The following CPNE4 variants were observed in gnomAD, a reference collection of about 807,000 sequenced individuals.
CPNE4 encodes the protein copine-4.
A neutral mutation model predicts 67.9 loss-of-function variants in CPNE4; 25 were observed. The observed-to-expected ratio is 0.37, with a 90% CI of 0.27 to 0.51. CPNE4 has a LOEUF of 0.51. Ranked by LOEUF, CPNE4 falls within the 20% of genes least tolerant of loss-of-function variation. CPNE4 has a pLI of 0.93. For missense variants in CPNE4, 464 were observed against 690.8 expected, an observed-to-expected ratio of 0.67 and a Z score of 3.68; for synonymous variants, 242 against 244.9, an observed-to-expected ratio of 0.99 and a Z score of 0.11.
At chr3:131,802,724 C>A (rs2084176224) in intron 2 of CPNE4, among the ~76,000 whole-genome samples, 1 of 152,172 alleles carries the variant, frequency 6.6e-6, no homozygotes, top group African/African-American at 2.4e-5. Context: ...CGGAGGGAAA[C>A]CCTGGAATCT....
rs746630965 is a variant in CPNE4, at chr3:131,615,891, T to TCACACACA, written c.682-28317_682-28310dup. 3.4e-3 allele frequency among the ~76,000 whole-genome samples: 367 copies of TCACACACA among 107,798 alleles called. 1 individual carries two copies. Among genetic ancestry groups the TCACACACA allele is most frequent in the African/African-American group, 0.013 (291 of 21,832 alleles). 70.7% of individuals were successfully genotyped at this position (107,798 alleles called of 152,430 possible). Reference sequence around the variant, plus strand: ...AAGAGCAAAACCCCATCTCTCTCTCTCACACACACACACACACACACACAC... The same window carrying TCACACACA: ...AAGAGCAAAACCCCATCTCTCTCTCTCACACACACACACACACACACACACACACACAC... On this transcript the variant is annotated intron_variant, in intron 7 of 15. Transcript: ENST00000429747.
chr3:131,650,070 G>A (rs1210375586), intron 7 of CPNE4, among the ~76,000 whole-genome samples: 1 of 152,184 alleles, frequency 6.6e-6, no homozygotes, highest in Non-Finnish European at 1.5e-5. Flanking sequence ...GAGAGACAGA[G>A]TCTCTGTTGC....
In CPNE4 at chr3:131,550,076, A is replaced by G. The variant is rs1936087976; in HGVS notation, c.1173T>C (p.Ile391=). The change falls in exon 14 of 16, where the codon ATT becomes ATC. Residue 391 remains isoleucine (I), a synonymous_variant. Transcript: ENST00000429747. ...FNEDNPECAG[I]QGVVEAYQSC... Reference sequence around the variant, plus strand: ...TCTGATAGGCTTCCACAACTCCTTGAATTCCTGAGGTGAAATTGGCAAAGA... The same window carrying G: ...TCTGATAGGCTTCCACAACTCCTTGGATTCCTGAGGTGAAATTGGCAAAGA... 6.2e-7 allele frequency: 1 copy of G among 1,612,848 alleles called. No individual in the cohort carries two copies. The highest frequency in any genetic ancestry group is 1.7e-5 in the Admixed American group (1 of 59,908).
chr3:131,660,639 T>C (rs2080099865), intron 7 of CPNE4, among the ~76,000 whole-genome samples: 1 of 152,204 alleles, frequency 6.6e-6, no homozygotes, highest in Non-Finnish European at 1.5e-5. Context: ...TCATAAAGAC[T>C]TGATCCTTCC....
chr3:131,913,944 G>T (rs1006674002), intron 1 of CPNE4, among the ~76,000 whole-genome samples: 8 of 152,158 alleles, frequency 5.3e-5, no homozygotes, highest in African/African-American at 1.9e-4. Context: ...GCCATAATGA[G>T]CACTCAATAA....
At chr3:131,854,030 A>G (rs2086341442) in intron 2 of CPNE4, among the ~76,000 whole-genome samples, 1 of 151,882 alleles carries the variant, frequency 6.6e-6, no homozygotes, top group Non-Finnish European at 1.5e-5. Flanking sequence ...TTTCATTTTT[A>G]TGTATTTTCC....
chr3:131,644,957 A>G (rs1336039085), intron 7 of CPNE4, among the ~76,000 whole-genome samples: 1 of 152,216 alleles, frequency 6.6e-6, no homozygotes, highest in Non-Finnish European at 1.5e-5. Context: ...GAGGAGACCA[A>G]GAGTAATGTC....
At chr3:131,649,608 TG>T (rs891981467) in intron 7 of CPNE4, among the ~76,000 whole-genome samples, 3 of 152,208 alleles carry the variant, frequency 2.0e-5, no homozygotes, top group African/African-American at 4.8e-5. Context: ...CTGTGAGAGC[TG>T]GGGCAAGTCA....
At position 131,957,397 on chromosome 3, in the gene CPNE4, G is replaced by A. The variant is rs916720599; in HGVS notation, c.-1-51953C>T. ...TTCAGCACCAGGTACCCAGTAAGGA[G>A]ATGCTTGTTATAAAGAGAGCTAAAG... On this transcript the variant is annotated intron_variant, in intron 1 of 15. Transcript: ENST00000429747. 1.1e-3 allele frequency among the ~76,000 whole-genome samples: 174 copies of A among 152,332 alleles called. 3 individuals are homozygous for A. The highest frequency in any genetic ancestry group is 1.9e-4 in the Non-Finnish European group (13 of 68,030).
At chr3:131,989,170 A>G (rs537906199) in intron 1 of CPNE4, among the ~76,000 whole-genome samples, 35 of 152,358 alleles carry the variant, frequency 2.3e-4, no homozygotes, top group African/African-American at 7.9e-4. Flanking sequence ...GATGATGAAC[A>G]TGACCTCTAG....
intron 3 of CPNE4, among the ~76,000 whole-genome samples, chr3:131,704,427 G>T (rs546038047): frequency 6.6e-6 from 1 of 152,310 alleles, no homozygotes; most frequent in South Asian, 2.1e-4. Flanking sequence ...CTGGGTGTTT[G>T]TTCAATATGG....
intron 1 of CPNE4, among the ~76,000 whole-genome samples, chr3:131,978,676 T>A (rs2107633573): frequency 6.8e-6 from 1 of 147,164 alleles, no homozygotes; most frequent in East Asian, 2.0e-4. Flanking sequence ...TTGTATTTTT[T>A]TGTTTCAATT....
At chr3:132,039,094 C>T (rs2074376509), upstream of CPNE4, among the ~76,000 whole-genome samples, 1 of 152,176 alleles carries the variant, frequency 6.6e-6, no homozygotes, top group Non-Finnish European at 1.5e-5. Flanking sequence ...TGGCTAGTAG[C>T]TAACATCTTG....
intron 1 of CPNE4, among the ~76,000 whole-genome samples, chr3:131,914,000 T>C (rs1458016360): frequency 6.6e-6 from 1 of 152,204 alleles, no homozygotes; most frequent in African/African-American, 2.4e-5. Flanking sequence ...ATTGGACCAC[T>C]AGGTTCATAG....
chr3:131,800,960 T>C (rs1263550135), intron 2 of CPNE4, among the ~76,000 whole-genome samples: 5 of 152,098 alleles, frequency 3.3e-5, no homozygotes, highest in South Asian at 2.1e-4. Flanking sequence ...CAAAAATTCA[T>C]CTAGAAAAAT....
intron 7 of CPNE4, among the ~76,000 whole-genome samples, chr3:131,650,629 C>G (rs1489954350): frequency 6.7e-6 from 1 of 149,086 alleles, no homozygotes; most frequent in East Asian, 2.0e-4. Context: ...CCTGTAGTCC[C>G]GGCTACTCGG....
chr3:131,618,895 A>C (rs1414891703), intron 7 of CPNE4, among the ~76,000 whole-genome samples: 1 of 152,194 alleles, frequency 6.6e-6, no homozygotes, highest in Non-Finnish European at 1.5e-5. Context: ...GTTTAAGGAC[A>C]ACCTGTATTC....
chr3:131,949,644 T>G (rs957289699), intron 1 of CPNE4, among the ~76,000 whole-genome samples: 2 of 152,154 alleles, frequency 1.3e-5, no homozygotes, highest in Admixed American at 1.3e-4. Flanking sequence ...ATTCAATAAG[T>G]TCTACCTTAT....
intron 7 of CPNE4, among the ~76,000 whole-genome samples, chr3:131,622,854 C>A (rs993049287): frequency 6.6e-6 from 1 of 152,142 alleles, no homozygotes; most frequent in Non-Finnish European, 1.5e-5. Flanking sequence ...AGGAGTTTGC[C>A]GCTGTCCGTG....
Sources: allele counts gnomAD v4.1 joint callset (sites outside exome capture counted in the v4.1 genomes callset), GRCh38; gene constraint gnomAD v4.1.1; transcripts MANE v1.5; gene names NCBI Gene and HGNC (gene_info 2026-07-23, HGNC 2026-07-21).